Variants in MANF observed in about 807,000 individuals in gnomAD.
MANF encodes mesencephalic astrocyte-derived neurotrophic factor.
In MANF, 9 loss-of-function variants were observed where a neutral mutation model predicts 19.1. That is an observed-to-expected ratio of 0.47 (90% CI 0.28 to 0.82). The LOEUF (loss-of-function observed/expected upper bound fraction) is 0.82. Ranked by LOEUF, MANF falls within the 40% of genes least tolerant of loss-of-function variation. The pLI, the probability that MANF is intolerant of heterozygous loss-of-function variation, is 0.10. For synonymous variants in MANF, 89 were observed against 88.0 expected (o/e 1.01, Z -0.06); for missense variants, 225 against 226.7 (o/e 0.99, Z 0.05).
chr3:51,385,484 C>A, intron 1 of MANF, 48 bp downstream of exon 1: 2 of 900,392 alleles, frequency 2.2e-6, no homozygotes, highest in South Asian at 5.2e-5. Flanking sequence ...GTTCTGGCGG[C>A]GGCGCTGAAC....
chr3:51,387,876 A>G lies in MANF; in HGVS notation c.362A>G (p.Tyr121Cys). 2 of 1,613,518 alleles carry G rather than the reference A, an allele frequency of 1.2e-6. No individual in the cohort carries two copies. The highest frequency in any genetic ancestry group is 1.7e-6 in the Non-Finnish European group (2 of 1,179,566). ...GACAGCCAGATATGTGAGCTTAAGT[A>G]TGGTGAGTATGCCTAGTCCTTTCTT... ...KKDSQICELK[Y>C]DKQIDLSTVD... Residue 121 changes from tyrosine (Y) to cysteine (C), a missense_variant and splice_region_variant, in exon 3 of 4, where the codon TAT becomes TGT. By Grantham distance (194) the Tyr-to-Cys change is radical (BLOSUM62 -2). Coordinates refer to ENST00000528157, the MANE Select transcript of MANF (RefSeq NM_006010.6).
intron 3 of MANF, 131 bp from the exon 4 acceptor site, chr3:51,388,774 T>C (rs1553621127): frequency 1.6e-6 from 1 of 638,704 alleles, no homozygotes; most frequent in African/African-American, 1.8e-5. Context: ...CCTGTAAATG[T>C]GTCTGGAAAT....
intron 2 of MANF, 194 bp from the exon 3 acceptor site, chr3:51,387,543 G>T: frequency 3.8e-6 from 2 of 531,238 alleles, no homozygotes. Context: ...GCTGAGAGGG[G>T]AGGATCACCA....
At chr3:51,385,645 A>G in intron 1 of MANF, 1 of 379,964 alleles carries the variant, frequency 2.6e-6, no homozygotes, top group East Asian at 3.8e-5. Flanking sequence ...GGTCCGACGA[A>G]GAAAAGTTGA....
At chr3:51,385,775 G>A (rs1316466808) in intron 1 of MANF, 2 of 290,984 alleles carry the variant, frequency 6.9e-6, no homozygotes, top group Non-Finnish European at 1.3e-5. Flanking sequence ...CTGGCCGTGG[G>A]TGCTGCGCCC....
chr3:51,385,513 G>C, intron 1 of MANF, 77 bp downstream of exon 1: 1 of 821,792 alleles, frequency 1.2e-6, no homozygotes, highest in East Asian at 3.4e-5. Context: ...ATCACCAGAC[G>C]GCCGGGGCCA....
rs2088998371 is a variant in MANF at position 51,389,318 on chromosome 3, A to G, written c.*229A>G. ...TTCAAAGTGTGTCTGGGATTTTTTT[A>G]TTAAAGAAAAAAAATTTCTAGCTGT... On this transcript the variant is annotated 3_prime_UTR_variant, in exon 4 of 4. Transcript: ENST00000528157. The G allele has an allele frequency of 4.4e-6, 2 of 450,034 alleles. No homozygotes were observed. Among genetic ancestry groups the G allele is most frequent in the Non-Finnish European group, 7.7e-6 (2 of 258,294 alleles). 27.9% of individuals were successfully genotyped at this position (450,034 alleles called of 1,614,324 possible).
chr3:51,387,293 A>G (rs1003615233), intron 2 of MANF, among the ~76,000 whole-genome samples: 2 of 152,038 alleles, frequency 1.3e-5, no homozygotes, highest in Non-Finnish European at 2.9e-5. Context: ...TATCTCTACT[A>G]AAAAATACAA....
At chr3:51,387,573 A>C (rs2088974492) in intron 2 of MANF, 164 bp from the exon 3 acceptor site, 1 of 606,908 alleles carries the variant, frequency 1.6e-6, no homozygotes, top group Non-Finnish European at 2.9e-6. Flanking sequence ...TTGAAGCTGC[A>C]GGGAGCCGTG....
At chr3:51,388,125 A>G (rs1360573353) in intron 3 of MANF, among the ~76,000 whole-genome samples, 1 of 152,222 alleles carries the variant, frequency 6.6e-6, no homozygotes, top group African/African-American at 2.4e-5. Context: ...GGAAGAGGAT[A>G]CAGGCAGGAT....
At position 51,386,242 on chromosome 3, in the gene MANF, C is replaced by T; in HGVS notation, c.129C>T (p.Asp43=). 2 of 1,613,760 alleles carry T rather than the reference C, an allele frequency of 1.2e-6. No individual in the cohort carries two copies. Among genetic ancestry groups the T allele is most frequent in the Non-Finnish European group, 1.7e-6 (2 of 1,179,754 alleles). ...CISYLGRFYQ[D]LKDRDVTFSP... ...CTTATCTGGGAAGATTTTACCAGGA[C>T]CTCAAAGACAGAGATGTCACATTCT... Residue 43 remains aspartate (D), a synonymous_variant, in exon 2 of 4, where the codon GAC becomes GAT. Coordinates refer to ENST00000528157, the MANE Select transcript of MANF (RefSeq NM_006010.6).
chr3:51,388,085 A>G (rs1043684924), intron 3 of MANF, among the ~76,000 whole-genome samples: 3 of 152,152 alleles, frequency 2.0e-5, no homozygotes, highest in Non-Finnish European at 4.4e-5. Context: ...ACTTTGAAGG[A>G]GGTGAGGATT....
chr3:51,388,756 C>T (rs2088989181), intron 3 of MANF, 149 bp from the exon 4 acceptor site: 1 of 603,992 alleles, frequency 1.7e-6, no homozygotes, highest in Non-Finnish European at 2.9e-6. Context: ...GCAGTAGGCA[C>T]TGACATGCCT....
chr3:51,388,838 C>A, intron 3 of MANF, 67 bp from the exon 4 acceptor site: 1 of 1,253,306 alleles, frequency 8.0e-7, no homozygotes, highest in Non-Finnish European at 1.1e-6. Flanking sequence ...GAGTGACATA[C>A]TCTGGGACTA....
chr3:51,385,403 GGCAGCCGGGCGCT>G lies in MANF; in HGVS notation c.64_76del (p.Ser22GlyfsTer36). The G allele has an allele frequency of 8.1e-7, 1 of 1,238,296 alleles. No homozygotes were observed. The highest frequency in any genetic ancestry group is 4.0e-5 in the South Asian group (1 of 24,854). 76.7% of individuals were successfully genotyped at this position (1,238,296 alleles called of 1,614,324 possible). The stretch of plus-strand genomic sequence containing the variant: ...GGCGCTGGCTCTGAGCGTGCTGCCG[GGCAGCCGGGCGCT>G]GCGGCCGGGCGACTGCGAAGGTGCG... On this transcript the variant is annotated frameshift_variant, in exon 1 of 4. Coordinates refer to ENST00000528157, the MANE Select transcript of MANF (RefSeq NM_006010.6). LOFTEE classifies it high-confidence loss of function.
intron 2 of MANF, among the ~76,000 whole-genome samples, chr3:51,387,461 C>CA (rs111442102): frequency 0.023 from 3,152 of 135,124 alleles, 107 homozygotes; most frequent in African/African-American, 0.075. Flanking sequence ...AACTTTATCT[C>CA]AAAAAAAAAA....
intron 3 of MANF, among the ~76,000 whole-genome samples, chr3:51,388,097 G>A (rs1437353754): frequency 2.6e-5 from 4 of 152,216 alleles, no homozygotes; most frequent in African/African-American, 9.6e-5. Flanking sequence ...GTGAGGATTA[G>A]CCAAGAGGCC....
rs2088931395 is a variant in MANF, at chr3:51,385,337, A to AGGAGGATGT, written c.3_4insTGGAGGATG. ...GAGGAGGAGGAGGAGGAGGAGGATG[A>AGGAGGATGT]GGAGGATGAGGAGGATGTGGGCCAC... On this transcript the variant is annotated 5_prime_UTR_variant, in exon 1 of 4. In the 5' UTR this introduces an upstream ATG that the reference lacks. Transcript: ENST00000528157. The AGGAGGATGT allele has an allele frequency of 8.9e-6, 11 of 1,231,478 alleles. No homozygotes were observed. The African/African-American group carries it at 1.1e-4, about 12-fold the overall frequency. 76.3% of individuals were successfully genotyped at this position (1,231,478 alleles called of 1,614,324 possible). A position where few individuals can be genotyped will look rare whatever the true frequency, so the allele number is the denominator to read the frequency against.
In MANF at chr3:51,387,739, C is replaced by G. The variant is rs782239772; in HGVS notation, c.225C>G (p.Cys75Trp). The G allele has an allele frequency of 5.0e-6, 8 of 1,610,954 alleles. No individual in the cohort carries two copies. Among genetic ancestry groups the G allele is most frequent in the Non-Finnish European group, 6.8e-6 (8 of 1,178,334 alleles). Reference protein sequence around the residue: ...REARGKENRLCYYIGATDDAA... With the variant: ...REARGKENRLWYYIGATDDAA... ...GCCATTGTCCTTTATTGCTCCAGTGCTACTATATCGGGGCCACAGATGATG... is the reference window on the plus strand; with the variant it reads ...GCCATTGTCCTTTATTGCTCCAGTGGTACTATATCGGGGCCACAGATGATG... The change falls in exon 3 of 4, where the codon TGC becomes TGG. Residue 75 changes from cysteine to tryptophan, a missense_variant and splice_region_variant. Cys to Trp is a radical substitution (Grantham distance 215). Transcript: ENST00000528157.
Sources: allele counts gnomAD v4.1 joint callset (sites outside exome capture counted in the v4.1 genomes callset), GRCh38; gene constraint gnomAD v4.1.1; transcripts MANE v1.5; gene names NCBI Gene and HGNC (gene_info 2026-07-23, HGNC 2026-07-21).